The following TANC2 variants were observed in gnomAD, a reference collection of about 807,000 sequenced individuals.
TANC2 encodes protein TANC2.
A neutral mutation model predicts 210.5 loss-of-function variants in TANC2; 26 were observed. The observed-to-expected ratio is 0.12, with a 90% CI of 0.09 to 0.17. TANC2 has a LOEUF of 0.17. Ranked by LOEUF, TANC2 falls within the 10% of genes least tolerant of loss-of-function variation. The pLI is 1.00. For missense variants in TANC2, 2,129 were observed against 2,608.9 expected (o/e 0.82, Z 4.01); for synonymous variants, 931 against 967.1 (o/e 0.96, Z 0.69).
intron 11 of TANC2, among the ~76,000 whole-genome samples, chr17:63,319,598 G>A (rs1456225350): frequency 1.3e-5 from 2 of 152,118 alleles, no homozygotes; most frequent in African/African-American, 2.4e-5. Flanking sequence ...TGATCCACCC[G>A]CCTCAGCCTC....
intron 1 of TANC2, among the ~76,000 whole-genome samples, chr17:62,999,650 A>G (rs1568306607): frequency 6.6e-6 from 1 of 151,724 alleles, no homozygotes; most frequent in Non-Finnish European, 1.5e-5. Context: ...CTAATCAACT[A>G]TTATTAGCAT....
At chr17:63,344,949 A>G (rs909041543) in intron 12 of TANC2, among the ~76,000 whole-genome samples, 1 of 152,092 alleles carries the variant, frequency 6.6e-6, no homozygotes, top group Admixed American at 6.6e-5. Flanking sequence ...AAACCTGACT[A>G]CCCTGAGTTC....
At chr17:63,394,939 GTGGATGGC>G (rs1467514630) in intron 17 of TANC2, among the ~76,000 whole-genome samples, 1 of 152,168 alleles carries the variant, frequency 6.6e-6, no homozygotes, top group Non-Finnish European at 1.5e-5. Context: ...TATTCACTAT[GTGGATGGC>G]TGGATGGAAC....
At position 63,421,171 on chromosome 17, in the gene TANC2, A is replaced by T. The variant is rs777277066; in HGVS notation, c.5441A>T (p.His1814Leu). The change falls in exon 28 of 28, where the codon CAC becomes CTC. Residue 1814 changes from histidine to leucine, a missense_variant. His to Leu is a moderately conservative substitution (Grantham distance 99). This residue lies in a region of TANC2 where 584 missense variants were observed against 627.3 expected (regional missense o/e 0.93). Coordinates refer to ENST00000689528, the Ensembl canonical transcript of TANC2. This position sits in a 1 kb window ranked among gnomAD's most constrained non-coding sequence, Gnocchi z 6.9. ...TCAGCATCCTATTACCCAGTCTGTC[A>T]CTCAAAACTAGATCTGGAGCGCTCC... The T allele has an allele frequency of 1.9e-6, 3 of 1,613,904 alleles. No homozygotes were observed. The highest frequency in any genetic ancestry group is 2.7e-5 in the African/African-American group (2 of 74,994).
intron 1 of TANC2, chr17:63,005,169 C>G (rs1429512276): frequency 1.3e-5 from 2 of 151,946 alleles, no homozygotes; most frequent in Non-Finnish European, 2.9e-5. Flanking sequence ...TTAAAAAATG[C>G]ATTATCTCTT....
At chr17:62,977,058 G>C (rs2032046317) in intron 1 of TANC2, among the ~76,000 whole-genome samples, 1 of 152,210 alleles carries the variant, frequency 6.6e-6, no homozygotes, top group Admixed American at 6.5e-5. Context: ...TGGCAAAACT[G>C]TTGGCGAGTG....
intron 9 of TANC2, among the ~76,000 whole-genome samples, chr17:63,271,553 T>C (rs992983651): frequency 6.6e-6 from 1 of 151,820 alleles, no homozygotes; most frequent in African/African-American, 2.4e-5. Flanking sequence ...ACCCGTCATC[T>C]AGGTTTTAAG....
chr17:63,385,591 T>C (rs1397630719), intron 15 of TANC2, among the ~76,000 whole-genome samples: 1 of 152,246 alleles, frequency 6.6e-6, no homozygotes, highest in Non-Finnish European at 1.5e-5. Context: ...TTGTAATTGA[T>C]GTCCCTGTTA....
chr17:63,312,705 C>T (rs1383504211), intron 9 of TANC2, among the ~76,000 whole-genome samples: 1 of 152,102 alleles, frequency 6.6e-6, no homozygotes, highest in Non-Finnish European at 1.5e-5. Flanking sequence ...TGTACGTGTG[C>T]CCTCTTGAAT....
intron 17 of TANC2, among the ~76,000 whole-genome samples, chr17:63,394,307 C>T (rs1272894835): frequency 6.6e-6 from 1 of 152,148 alleles, no homozygotes; most frequent in Non-Finnish European, 1.5e-5. Flanking sequence ...CCAGATTTGG[C>T]CATTGGGAAC....
At chr17:63,195,368 A>G (rs990504314) in intron 6 of TANC2, among the ~76,000 whole-genome samples, 2 of 152,148 alleles carry the variant, frequency 1.3e-5, no homozygotes, top group Non-Finnish European at 2.9e-5. Context: ...GGTATCACCT[A>G]CTTGCTTAGG....
intron 7 of TANC2, among the ~76,000 whole-genome samples, chr17:63,203,948 T>C (rs1265087574): frequency 6.6e-6 from 1 of 152,122 alleles, no homozygotes; most frequent in African/African-American, 2.4e-5. Context: ...GATTAAAGAA[T>C]AAAAGTAAAT....
At chr17:63,336,495 G>T (rs994551707) in intron 11 of TANC2, among the ~76,000 whole-genome samples, 2 of 152,162 alleles carry the variant, frequency 1.3e-5, no homozygotes, top group African/African-American at 4.8e-5. Context: ...TTTATGACTA[G>T]TTTTATCATT....
chr17:63,123,428 T>A (rs8066694), intron 4 of TANC2, among the ~76,000 whole-genome samples: 1 of 151,624 alleles, frequency 6.6e-6, no homozygotes, highest in East Asian at 2.0e-4. Context: ...ATGTGATGGC[T>A]GGCGCCTGTG....
At chr17:63,204,958 G>A (rs2041652611) in intron 7 of TANC2, among the ~76,000 whole-genome samples, 1 of 151,656 alleles carries the variant, frequency 6.6e-6, no homozygotes, top group East Asian at 2.0e-4. Context: ...GGTAGCAGGA[G>A]CCTGTAATTC....
chr17:63,314,638 C>A lies in TANC2; in HGVS notation c.1410C>A (p.Ile470=), dbSNP rs777212672. The A allele has an allele frequency of 4.3e-6, 7 of 1,613,784 alleles. No individual in the cohort carries two copies. The East Asian group carries it at 6.7e-5, about 15-fold the overall frequency. Residue 470 remains isoleucine, a synonymous_variant, in exon 10 of 28, where the codon ATC becomes ATA. Transcript: ENST00000689528. ...GCCATGGTACAAGGATGAGACAGAT[C>A]GCCTCAGACAGCCCACATGCCTCCC...
At chr17:63,134,149 A>G (rs1371469359) in intron 4 of TANC2, among the ~76,000 whole-genome samples, 1 of 152,136 alleles carries the variant, frequency 6.6e-6, no homozygotes, top group Non-Finnish European at 1.5e-5. Context: ...AGGTGGGGAA[A>G]GGGACAGACA....
At chr17:63,344,129 G>T (rs2046325441) in intron 12 of TANC2, among the ~76,000 whole-genome samples, 1 of 152,156 alleles carries the variant, frequency 6.6e-6, no homozygotes, top group Non-Finnish European at 1.5e-5. Flanking sequence ...CAGATCAGCT[G>T]CAGCATTAGA....
At chr17:63,206,875 A>C (rs1045984143) in intron 7 of TANC2, among the ~76,000 whole-genome samples, 1 of 152,230 alleles carries the variant, frequency 6.6e-6, no homozygotes, top group Non-Finnish European at 1.5e-5. Flanking sequence ...AAATAATTTT[A>C]TGTCGTGTAT....
Sources: allele counts gnomAD v4.1 joint callset (sites outside exome capture counted in the v4.1 genomes callset), GRCh38; gene constraint gnomAD v4.1.1; regional missense constraint gnomAD v4.1.1; non-coding constraint Gnocchi (gnomAD v3.1); transcripts MANE v1.5; gene names NCBI Gene and HGNC (gene_info 2026-07-23, HGNC 2026-07-21).